SLC7A14: variants seen among roughly 807,000 people sequenced by gnomAD.
SLC7A14 encodes solute carrier family 7 member 14, also known as gamma-aminobutyric acid transporter SLC7A14.
A neutral mutation model predicts 60.2 loss-of-function variants in SLC7A14; 37 were observed. The ratio of observed to expected loss-of-function variants is 0.61; its 90% CI spans 0.47 to 0.81. SLC7A14 has a LOEUF of 0.81. Ranked by LOEUF, SLC7A14 falls within the 30% of genes least tolerant of loss-of-function variation. The pLI is 0.00. For missense variants in SLC7A14, 886 were observed against 982.7 expected, an observed-to-expected ratio of 0.90 and a Z score of 1.32; for synonymous variants, 399 against 395.8, an observed-to-expected ratio of 1.01 and a Z score of -0.10.
At chr3:170,524,195 T>C (rs1453795382) in intron 2 of SLC7A14, among the ~76,000 whole-genome samples, 2 of 152,158 alleles carry the variant, frequency 1.3e-5, no homozygotes, top group South Asian at 2.1e-4. Context: ...TGAACAATGG[T>C]AACAACAACA....
chr3:170,495,798 G>GAGACCA (rs1490677885), intron 4 of SLC7A14: 2 of 1,133,488 alleles, frequency 1.8e-6, no homozygotes, highest in Non-Finnish European at 2.7e-6. Flanking sequence ...CAAGATGCTG[G>GAGACCA]AGACCAAGTG....
rs1056887724 is a variant in SLC7A14 at position 170,585,611 on chromosome 3, C to CCCCCG, written c.-153+295_-153+299dup. On this transcript the variant is annotated intron_variant, in intron 1 of 7. Transcript: ENST00000231706. This position sits in a 1 kb window ranked among gnomAD's most constrained non-coding sequence, Gnocchi z 5.1. ...TCTAGCGGCGCCGGAGCCGCGCTGG[C>CCCCCG]CCCCGCCCCGCCCGGCAGCTCCCGC... 1.3e-5 allele frequency among the ~76,000 whole-genome samples: 2 copies of CCCCCG among 152,162 alleles called. No individual in the cohort carries two copies. The highest frequency in any genetic ancestry group is 1.3e-4 in the Admixed American group (2 of 15,286).
intron 1 of SLC7A14, among the ~76,000 whole-genome samples, chr3:170,549,479 G>T (rs906381194): frequency 6.6e-6 from 1 of 152,174 alleles, no homozygotes; most frequent in Admixed American, 6.5e-5. Flanking sequence ...CTCCCAAAGT[G>T]CTGGGATTAC....
chr3:170,576,592 C>T (rs770619017), intron 1 of SLC7A14, among the ~76,000 whole-genome samples: 2 of 152,202 alleles, frequency 1.3e-5, no homozygotes, highest in Non-Finnish European at 1.5e-5. Context: ...ACAGACCTCA[C>T]ATGAGCATGG....
chr3:170,539,751 G>A (rs1713958417), intron 1 of SLC7A14, among the ~76,000 whole-genome samples: 1 of 151,796 alleles, frequency 6.6e-6, no homozygotes, highest in African/African-American at 2.4e-5. Context: ...TTATCTGCAG[G>A]GGCTACCTTC....
At chr3:170,568,430 A>G (rs1281104718) in intron 1 of SLC7A14, among the ~76,000 whole-genome samples, 1 of 152,178 alleles carries the variant, frequency 6.6e-6, no homozygotes, top group African/African-American at 2.4e-5. Flanking sequence ...GTATAGTTTG[A>G]AGTCAGGTAG....
At position 170,466,835 on chromosome 3, in the gene SLC7A14, A is replaced by G; in HGVS notation, c.*220T>C. Reference sequence around the variant, plus strand: ...CATATAGCCTCTTGTTTATTTATTTATTTTATTTAACAAGGCGACCAGTTA... The same window carrying G: ...CATATAGCCTCTTGTTTATTTATTTGTTTTATTTAACAAGGCGACCAGTTA... On this transcript the variant is annotated 3_prime_UTR_variant, in exon 8 of 8. Transcript: ENST00000231706. 2.0e-6 allele frequency: 1 copy of G among 492,550 alleles called. No homozygotes were observed. Among genetic ancestry groups the G allele is most frequent in the Non-Finnish European group, 3.5e-6 (1 of 281,692 alleles). 30.5% of individuals were successfully genotyped at this position (492,550 alleles called of 1,614,324 possible).
At chr3:170,571,780 G>GCTCATGCCTGTAATC (rs1276022595) in intron 1 of SLC7A14, among the ~76,000 whole-genome samples, 2 of 152,008 alleles carry the variant, frequency 1.3e-5, no homozygotes, top group Admixed American at 6.5e-5. Context: ...GTAAGACTTG[G>GCTCATGCCTGTAATC]CCAGGCACGT....
chr3:170,485,506 C>T (rs1711997718), intron 5 of SLC7A14, among the ~76,000 whole-genome samples: 1 of 152,096 alleles, frequency 6.6e-6, no homozygotes, highest in African/African-American at 2.4e-5. Context: ...TCTCCATTGC[C>T]AGGGGCAGAG....
At chr3:170,539,365 T>C (rs970105601) in intron 1 of SLC7A14, among the ~76,000 whole-genome samples, 1 of 152,174 alleles carries the variant, frequency 6.6e-6, no homozygotes, top group East Asian at 1.9e-4. Flanking sequence ...CCACCTGAGC[T>C]AAAAGTGGCC....
At chr3:170,507,370 A>G (rs1477439154) in intron 2 of SLC7A14, among the ~76,000 whole-genome samples, 1 of 152,212 alleles carries the variant, frequency 6.6e-6, no homozygotes, top group East Asian at 1.9e-4. Context: ...CCATGTGGCC[A>G]GTATTTAATA....
Position 170,480,489 on chromosome 3 carries a change from A to T in SLC7A14, c.1793T>A (p.Ile598Asn). Residue 598 changes from isoleucine (I) to asparagine (N), a missense_variant, in exon 7 of 8, where the codon ATC becomes AAC. Coordinates refer to ENST00000231706, the MANE Select transcript of SLC7A14 (RefSeq NM_020949.3). Reference sequence around the variant, plus strand: ...CAGCACCATCAGAACAACCAGAAGGATGGCCCACCAGCTCTGCTCTGAGAT... The same window carrying T: ...CAGCACCATCAGAACAACCAGAAGGTTGGCCCACCAGCTCTGCTCTGAGAT... ...DYISEQSWWA[I>N]LLVVLMVLLI... is the part of the protein sequence containing the mutation. 1 of 1,614,204 alleles carries T rather than the reference A, an allele frequency of 6.2e-7. No homozygotes were observed. The highest frequency in any genetic ancestry group is 8.5e-7 in the Non-Finnish European group (1 of 1,180,030).
chr3:170,528,237 A>G (rs1018452738), intron 1 of SLC7A14, among the ~76,000 whole-genome samples: 1 of 152,240 alleles, frequency 6.6e-6, no homozygotes, highest in Non-Finnish European at 1.5e-5. Flanking sequence ...TATTTATTAT[A>G]AAAAGGGGTG....
chr3:170,496,436 C>A, intron 4 of SLC7A14: 1 of 1,255,724 alleles, frequency 8.0e-7, no homozygotes, highest in Non-Finnish European at 1.2e-6. Flanking sequence ...AGGCCCCCAT[C>A]GCAGATACCG....
intron 1 of SLC7A14, among the ~76,000 whole-genome samples, chr3:170,553,923 A>G (rs904038147): frequency 6.6e-6 from 1 of 151,962 alleles, no homozygotes; most frequent in Non-Finnish European, 1.5e-5. Flanking sequence ...ATACACATTA[A>G]TTGGAAAAGT....
chr3:170,482,121 G>A (rs2108269679), intron 6 of SLC7A14, among the ~76,000 whole-genome samples: 1 of 152,270 alleles, frequency 6.6e-6, no homozygotes, highest in Non-Finnish European at 1.5e-5. Context: ...TTTATGTCCA[G>A]CTAGTTACTG....
chr3:170,539,388 T>C (rs1713943708), intron 1 of SLC7A14, among the ~76,000 whole-genome samples: 1 of 152,204 alleles, frequency 6.6e-6, no homozygotes, highest in Non-Finnish European at 1.5e-5. Flanking sequence ...GGCCTCTCTG[T>C]GGTCTCTTGT....
At position 170,497,559 on chromosome 3, in the gene SLC7A14, T is replaced by C. The variant is rs536016193; in HGVS notation, c.759+1108A>G. Among the ~76,000 whole-genome samples, 25 of 152,366 alleles carry C rather than the reference T, an allele frequency of 1.6e-4. 2 individuals carry two copies. The East Asian group carries it at 4.4e-3, about 27-fold the overall frequency. On this transcript the variant is annotated intron_variant, in intron 4 of 7. Transcript: ENST00000231706. ...AGTGGGTGGAATCCTGGACTTGCTT[T>C]CTGTCATCAGTTCTAGGCAGACTTG...
At chr3:170,541,494 G>C (rs1181125221) in intron 1 of SLC7A14, among the ~76,000 whole-genome samples, 1 of 152,088 alleles carries the variant, frequency 6.6e-6, no homozygotes, top group African/African-American at 2.4e-5. Context: ...TACTTAGAAG[G>C]CTGACACAGG....
Sources: gnomAD v4.1 joint callset for allele counts (sites outside exome capture counted in the v4.1 genomes callset) on GRCh38, gnomAD v4.1.1 for gene constraint, Gnocchi (gnomAD v3.1) non-coding constraint, MANE v1.5 for transcripts, NCBI Gene and HGNC (gene_info 2026-07-23, HGNC 2026-07-21) for gene names.